Variants in CNTN5 observed in about 807,000 individuals in gnomAD.
CNTN5 encodes contactin 5, also known as contactin-5.
Under a neutral mutation model 129.1 loss-of-function variants are expected in CNTN5, and 77 were observed. The observed-to-expected ratio is 0.60, with a 90% CI of 0.50 to 0.72. The LOEUF is 0.72. CNTN5 is among the 30% of genes least tolerant of loss of function. The pLI is 0.00. For missense variants in CNTN5, 1,478 were observed against 1,328.8 expected (o/e 1.11, Z -1.75); for synonymous variants, 509 against 465.6 (o/e 1.09, Z -1.20).
intron 3 of CNTN5, among the ~76,000 whole-genome samples, chr11:99,637,962 T>C (rs1012672126): frequency 1.3e-5 from 2 of 152,166 alleles, no homozygotes; most frequent in Admixed American, 6.5e-5. Flanking sequence ...TTTTGGTTTA[T>C]AGTCATGCAT....
chr11:99,251,420 G>T (rs1413793244), intron 1 of CNTN5, among the ~76,000 whole-genome samples: 2 of 151,732 alleles, frequency 1.3e-5, no homozygotes, highest in African/African-American at 4.8e-5. Flanking sequence ...ATGTCTAGAA[G>T]AAATGGAGGT....
intron 2 of CNTN5, among the ~76,000 whole-genome samples, chr11:99,378,494 T>G (rs1001924833): frequency 3.3e-5 from 5 of 152,110 alleles, no homozygotes; most frequent in Admixed American, 2.6e-4. Context: ...AAGGCAAGCA[T>G]TGAAGATTGG....
At chr11:99,162,071 T>TA (rs1486800565) in intron 1 of CNTN5, among the ~76,000 whole-genome samples, 2 of 152,168 alleles carry the variant, frequency 1.3e-5, no homozygotes, top group Non-Finnish European at 2.9e-5. Flanking sequence ...AACCCTAGAC[T>TA]ACCCTGGTTA....
At position 99,753,417 on chromosome 11, in the gene CNTN5, C is replaced by T. The variant is rs562954430; in HGVS notation, c.56-66127C>T. Among the ~76,000 whole-genome samples, 215 of 151,606 alleles carry T rather than the reference C, an allele frequency of 1.4e-3. 1 individual carries two copies. Among genetic ancestry groups the T allele is most frequent in the African/African-American group, 4.9e-3 (201 of 41,304 alleles). On this transcript the variant is annotated intron_variant, in intron 3 of 24. Transcript: ENST00000524871. Reference sequence around the variant, plus strand: ...GATTACAGACGTGAGCCACCGCGCCCGGCCTGCTTTTTGTCATTATAGTTT... The same window carrying T: ...GATTACAGACGTGAGCCACCGCGCCTGGCCTGCTTTTTGTCATTATAGTTT...
intron 3 of CNTN5, among the ~76,000 whole-genome samples, chr11:99,804,913 T>C (rs1372688467): frequency 6.6e-6 from 1 of 151,410 alleles, no homozygotes; most frequent in Non-Finnish European, 1.5e-5. Flanking sequence ...TTATAAAATA[T>C]TCAGTGCTTC....
intron 1 of CNTN5, among the ~76,000 whole-genome samples, chr11:99,279,834 G>A (rs1167342319): frequency 6.6e-6 from 1 of 151,612 alleles, no homozygotes; most frequent in East Asian, 1.9e-4. Flanking sequence ...TTGCACAAAA[G>A]TGTGTATTAT....
chr11:99,158,761 A>G (rs1477658377), intron 1 of CNTN5, among the ~76,000 whole-genome samples: 1 of 152,166 alleles, frequency 6.6e-6, no homozygotes, highest in African/African-American at 2.4e-5. Context: ...ATACATCTGT[A>G]ACAGTATATC....
At chr11:99,602,080 A>G (rs1158292960) in intron 3 of CNTN5, among the ~76,000 whole-genome samples, 1 of 152,094 alleles carries the variant, frequency 6.6e-6, no homozygotes, top group Admixed American at 6.6e-5. Context: ...GAAATTCCAA[A>G]TTCATCAGAT....
At chr11:100,284,355 A>G (rs1950717379) in intron 18 of CNTN5, among the ~76,000 whole-genome samples, 2 of 152,198 alleles carry the variant, frequency 1.3e-5, no homozygotes, top group Non-Finnish European at 2.9e-5. Context: ...TATTTAAGCT[A>G]TATTTTCTTA....
chr11:99,702,436 T>A (rs959555567), intron 3 of CNTN5, among the ~76,000 whole-genome samples: 2 of 151,010 alleles, frequency 1.3e-5, no homozygotes, highest in African/African-American at 4.8e-5. Context: ...TGTTGTAAAG[T>A]ACTTCAGTGG....
intron 2 of CNTN5, among the ~76,000 whole-genome samples, chr11:99,354,785 T>C (rs1180106207): frequency 6.6e-6 from 1 of 152,164 alleles, no homozygotes; most frequent in African/African-American, 2.4e-5. Context: ...AGTGATTCTT[T>C]GAAAATACAA....
At chr11:99,767,648 G>T (rs1486910916) in intron 3 of CNTN5, among the ~76,000 whole-genome samples, 1 of 148,696 alleles carries the variant, frequency 6.7e-6, no homozygotes, top group Non-Finnish European at 1.5e-5. Flanking sequence ...AAACCCATCA[G>T]ATCAAGGAAT....
intron 1 of CNTN5, among the ~76,000 whole-genome samples, chr11:99,039,733 CA>C (rs1264193855): frequency 6.6e-6 from 1 of 151,984 alleles, no homozygotes; most frequent in Non-Finnish European, 1.5e-5. Context: ...GCATTGGATC[CA>C]AAAACAAAGA....
At position 99,087,245 on chromosome 11, in the gene CNTN5, G is replaced by A. The variant is rs141254492; in HGVS notation, c.-210+65975G>A. On this transcript the variant is annotated intron_variant, in intron 1 of 24. Coordinates refer to ENST00000524871, the MANE Select transcript of CNTN5 (RefSeq NM_014361.4). Reference sequence around the variant, plus strand: ...CTTAAAGAACAGAGAGGATACCTGAGTTATCTAAGCAGAAAATAAATGGGA... The same window carrying A: ...CTTAAAGAACAGAGAGGATACCTGAATTATCTAAGCAGAAAATAAATGGGA... Among the ~76,000 whole-genome samples, 208 of 152,288 alleles carry A rather than the reference G, an allele frequency of 1.4e-3. 1 individual carries two copies. Among genetic ancestry groups the A allele is most frequent in the African/African-American group, 4.8e-3 (198 of 41,560 alleles).
intron 20 of CNTN5, among the ~76,000 whole-genome samples, chr11:100,303,364 T>C (rs1047229988): frequency 3.3e-5 from 5 of 151,732 alleles, no homozygotes; most frequent in African/African-American, 1.2e-4. Context: ...TTAATTTTTT[T>C]CCAAGATAAA....
intron 3 of CNTN5, among the ~76,000 whole-genome samples, chr11:99,613,416 C>A (rs748829365): frequency 2.6e-5 from 4 of 152,126 alleles, no homozygotes; most frequent in Non-Finnish European, 4.4e-5. Flanking sequence ...TCTGAGGCCT[C>A]CCCAGCCGTG....
intron 1 of CNTN5, among the ~76,000 whole-genome samples, chr11:99,312,993 G>A (rs957135778): frequency 4.6e-5 from 7 of 151,700 alleles, no homozygotes; most frequent in Non-Finnish European, 8.8e-5. Context: ...ATAAGTAAGA[G>A]ATAAAAGTAG....
chr11:99,915,379 G>A (rs1949761553), intron 6 of CNTN5, among the ~76,000 whole-genome samples: 1 of 151,986 alleles, frequency 6.6e-6, no homozygotes, highest in African/African-American at 2.4e-5. Context: ...TTTAAGGGAA[G>A]GCCATTGATC....
intron 2 of CNTN5, among the ~76,000 whole-genome samples, chr11:99,328,870 CAAAAAAAAAAAAA>C (rs10542347): frequency 1.1e-5 from 1 of 87,652 alleles, no homozygotes; most frequent in Admixed American, 1.3e-4. Flanking sequence ...AACTCCATCT[CAAAAAAAAAAAAA>C]AAAAAGAAAA....
Sources: gnomAD v4.1 joint callset for allele counts (sites outside exome capture counted in the v4.1 genomes callset) on GRCh38, gnomAD v4.1.1 for gene constraint, MANE v1.5 for transcripts, NCBI Gene and HGNC (gene_info 2026-07-23, HGNC 2026-07-21) for gene names.